FMN1: variants seen among roughly 807,000 people sequenced by gnomAD.
FMN1 encodes formin-1.
Under a neutral mutation model 132.4 loss-of-function variants are expected in FMN1, and 110 were observed. The ratio of observed to expected loss-of-function variants is 0.83; its 90% CI spans 0.71 to 0.97. The LOEUF (loss-of-function observed/expected upper bound fraction) is 0.97. Among genes scored for constraint, FMN1 ranks in the 50% least tolerant of loss-of-function variants. The pLI is 0.00. For missense variants in FMN1, 1,792 were observed against 1,705.3 expected, an observed-to-expected ratio of 1.05 and a Z score of -0.90; for synonymous variants, 722 against 651.7, an observed-to-expected ratio of 1.11 and a Z score of -1.64.
At chr15:33,017,288 C>G (rs574482463) in intron 6 of FMN1, among the ~76,000 whole-genome samples, 1 of 152,070 alleles carries the variant, frequency 6.6e-6, no homozygotes, top group East Asian at 1.9e-4. Context: ...CAGTACAGAG[C>G]CAATTCTAAT....
At chr15:32,829,797 C>A (rs1200176059) in intron 17 of FMN1, among the ~76,000 whole-genome samples, 1 of 152,136 alleles carries the variant, frequency 6.6e-6, no homozygotes, top group Non-Finnish European at 1.5e-5. Context: ...TTGTTACCAG[C>A]ATATATAACC....
chr15:33,090,744 C>G (rs531060733), intron 4 of FMN1, among the ~76,000 whole-genome samples: 12 of 152,284 alleles, frequency 7.9e-5, no homozygotes, highest in African/African-American at 2.9e-4. Context: ...CTTCTAGTCT[C>G]AAGACATAGG....
intron 4 of FMN1, among the ~76,000 whole-genome samples, chr15:33,122,878 T>C (rs1460174664): frequency 6.6e-6 from 1 of 152,180 alleles, no homozygotes; most frequent in Non-Finnish European, 1.5e-5. Context: ...CTATCCAATC[T>C]TGATAAAGCA....
intron 16 of FMN1, among the ~76,000 whole-genome samples, chr15:32,868,538 C>T (rs1380459636): frequency 6.6e-6 from 1 of 152,140 alleles, no homozygotes; most frequent in Non-Finnish European, 1.5e-5. Flanking sequence ...TTTCTCAGAA[C>T]ATATCCCAGT....
intron 4 of FMN1, among the ~76,000 whole-genome samples, chr15:33,112,415 T>C (rs1313196080): frequency 6.6e-6 from 1 of 152,178 alleles, no homozygotes; most frequent in Non-Finnish European, 1.5e-5. Context: ...TTTTCTTACA[T>C]AATTCTTTTA....
At chr15:33,007,491 T>C (rs187519578) in intron 7 of FMN1, among the ~76,000 whole-genome samples, 70 of 152,136 alleles carry the variant, frequency 4.6e-4, no homozygotes, top group Non-Finnish European at 4.7e-4. Flanking sequence ...CATTCCGGGC[T>C]TCACAAGGGA....
rs377167591 is a variant in FMN1, at chr15:32,968,699, TA to T, written c.2987+14del. On this transcript the variant is annotated intron_variant, in intron 8 of 20. Transcript: ENST00000616417. ...AGGAATTCACATGCTGAGAATGGGA[TA>T]GGGGAGAACTTACCTCCTATCACTT... The T allele has an allele frequency of 8.7e-5, 141 of 1,611,844 alleles. No individual in the cohort carries two copies. The East Asian group carries it at 1.4e-3, about 16-fold the overall frequency.
chr15:33,128,552 A>G (rs989744547), intron 4 of FMN1, among the ~76,000 whole-genome samples: 2 of 152,240 alleles, frequency 1.3e-5, no homozygotes, highest in Non-Finnish European at 2.9e-5. Context: ...ACACATACCG[A>G]GTCCGGAGTT....
chr15:32,801,346 T>C (rs1595946647), intron 18 of FMN1, among the ~76,000 whole-genome samples: 1 of 152,196 alleles, frequency 6.6e-6, no homozygotes, highest in African/African-American at 2.4e-5. Flanking sequence ...GCCTTTTTTT[T>C]CTTATGTGTT....
At chr15:32,967,198 G>A (rs1448836471) in intron 8 of FMN1, among the ~76,000 whole-genome samples, 1 of 152,250 alleles carries the variant, frequency 6.6e-6, no homozygotes, top group East Asian at 1.9e-4. Flanking sequence ...AGGAAACAAT[G>A]TAGACAATGA....
chr15:32,784,570 G>GC (rs1232543113), intron 19 of FMN1, among the ~76,000 whole-genome samples: 1 of 152,172 alleles, frequency 6.6e-6, no homozygotes, highest in Non-Finnish European at 1.5e-5. Context: ...TCTTCTGACA[G>GC]CCATAACCAC....
At chr15:33,054,889 G>A (rs1433479312) in intron 6 of FMN1, among the ~76,000 whole-genome samples, 1 of 152,114 alleles carries the variant, frequency 6.6e-6, no homozygotes, top group African/African-American at 2.4e-5. Context: ...AGTAACCAAG[G>A]AACAAGGACA....
At chr15:32,989,372 A>G (rs76309943) in intron 7 of FMN1, among the ~76,000 whole-genome samples, 2,792 of 152,288 alleles carry the variant, frequency 0.018, 31 homozygotes, top group Middle Eastern at 0.034. Flanking sequence ...GGAATTAGAG[A>G]TGGTTTCATG....
chr15:32,991,475 C>G (rs899978677), intron 7 of FMN1, among the ~76,000 whole-genome samples: 1 of 152,162 alleles, frequency 6.6e-6, no homozygotes, highest in Non-Finnish European at 1.5e-5. Context: ...GCCCCAAATT[C>G]TGGACCATCG....
At chr15:33,006,822 GA>G (rs1276584514) in intron 7 of FMN1, among the ~76,000 whole-genome samples, 2 of 152,152 alleles carry the variant, frequency 1.3e-5, no homozygotes, top group African/African-American at 4.8e-5. Flanking sequence ...ATTTATGTGA[GA>G]AATCTAAAAA....
chr15:33,145,964 C>G (rs531779427), intron 4 of FMN1, among the ~76,000 whole-genome samples: 1 of 151,678 alleles, frequency 6.6e-6, no homozygotes, highest in African/African-American at 2.4e-5. Flanking sequence ...TGAATAAAAC[C>G]GTATTACCAT....
chr15:33,087,199 GCTTT>G (rs1427403369), intron 5 of FMN1, among the ~76,000 whole-genome samples: 1 of 152,180 alleles, frequency 6.6e-6, no homozygotes, highest in African/African-American at 2.4e-5. Flanking sequence ...CCAGCCCAGT[GCTTT>G]CTAAGGAGGA....
intron 4 of FMN1, among the ~76,000 whole-genome samples, chr15:33,108,147 T>C (rs2039556664): frequency 6.6e-6 from 1 of 152,064 alleles, no homozygotes; most frequent in African/African-American, 2.4e-5. Context: ...GTGTGTGTCA[T>C]GTTTTTACCA....
chr15:33,069,040 A>G (rs977337842), intron 5 of FMN1, among the ~76,000 whole-genome samples: 4 of 152,188 alleles, frequency 2.6e-5, no homozygotes, highest in Admixed American at 2.0e-4. Flanking sequence ...CCTATTAGAC[A>G]AAACAATTTG....
Sources: gnomAD v4.1 joint callset for allele counts (sites outside exome capture counted in the v4.1 genomes callset) on GRCh38, gnomAD v4.1.1 for gene constraint, MANE v1.5 for transcripts, NCBI Gene and HGNC (gene_info 2026-07-23, HGNC 2026-07-21) for gene names.